The following RFWD3 variants were observed in gnomAD, a reference collection of about 807,000 sequenced individuals.
RFWD3 encodes ring finger and WD repeat domain 3.
In RFWD3, 65 loss-of-function variants were observed where a neutral mutation model predicts 87.7. The ratio of observed to expected loss-of-function variants is 0.74; its 90% CI spans 0.61 to 0.91. The LOEUF (loss-of-function observed/expected upper bound fraction) is 0.91, where lower values mean the gene tolerates loss of function less well. Ranked by LOEUF, RFWD3 falls within the 40% of genes least tolerant of loss-of-function variation. RFWD3 has a pLI of 0.00. For synonymous variants in RFWD3, 433 were observed against 352.8 expected (o/e 1.23, Z -2.55); for missense variants, 1,078 against 938.5 (o/e 1.15, Z -1.94).
intron 11 of RFWD3, among the ~76,000 whole-genome samples, 154 bp from the exon 12 acceptor site, chr16:74,626,708 T>C (rs1958946781): frequency 6.6e-6 from 1 of 152,122 alleles, no homozygotes; most frequent in Non-Finnish European, 1.5e-5. Context: ...GAAAGAACAA[T>C]ATCACAGCAT....
rs1958798526 is a variant in RFWD3, at chr16:74,622,451, AT to A, written c.*1476del. 1 of 131,366 alleles carries A rather than the reference AT, an allele frequency of 7.6e-6. No individual in the cohort carries two copies. The highest frequency in any genetic ancestry group is 1.6e-5 in the Non-Finnish European group (1 of 62,934). The allele number at this position is 131,366 out of a possible 1,614,324, so 8.1% of individuals were successfully genotyped here. ...ACCAGCCTGGACAACGTAGTGAAACATCTATTTCTACAAAAAAATTTAAAAA... is the reference window on the plus strand; with the variant it reads ...ACCAGCCTGGACAACGTAGTGAAACACTATTTCTACAAAAAAATTTAAAAA... On this transcript the variant is annotated 3_prime_UTR_variant, in exon 13 of 13. Coordinates refer to ENST00000361070, the MANE Select transcript of RFWD3 (RefSeq NM_018124.4).
At chr16:74,660,767 C>T in intron 2 of RFWD3, 165 bp downstream of exon 2, 1 of 693,832 alleles carries the variant, frequency 1.4e-6, no homozygotes, top group Non-Finnish European at 2.4e-6. Flanking sequence ...CCCTTCATTA[C>T]TTTGTGAAGT....
At chr16:74,633,489 G>A (rs1959166437) in intron 8 of RFWD3, among the ~76,000 whole-genome samples, 1 of 152,040 alleles carries the variant, frequency 6.6e-6, no homozygotes, top group East Asian at 1.9e-4. Flanking sequence ...TATGCAGCGA[G>A]AAAGAAGTCA....
intron 9 of RFWD3, 39 bp downstream of exon 9, chr16:74,632,484 A>G (rs201478620): frequency 4.7e-5 from 75 of 1,608,888 alleles, no homozygotes; most frequent in Admixed American, 1.8e-4. Context: ...ACTCAACACC[A>G]AAGAGCCCAG....
chr16:74,642,077 G>C (rs1959705453), intron 6 of RFWD3, among the ~76,000 whole-genome samples: 2 of 151,528 alleles, frequency 1.3e-5, no homozygotes. Flanking sequence ...ATTCATGAAA[G>C]TAGTTCTCTA....
At chr16:74,651,707 T>G (rs916417182) in intron 3 of RFWD3, among the ~76,000 whole-genome samples, 2 of 152,208 alleles carry the variant, frequency 1.3e-5, no homozygotes, top group African/African-American at 4.8e-5. Context: ...AGTGACTAAC[T>G]CACTGGGTCA....
Position 74,634,397 on chromosome 16 carries a change from TA to T in RFWD3, c.1427-1725del, listed in dbSNP as rs1295050571. Among the ~76,000 whole-genome samples, 186 of 151,892 alleles carry T rather than the reference TA, an allele frequency of 1.2e-3. 1 individual carries two copies. Among genetic ancestry groups the T allele is most frequent in the African/African-American group, 4.4e-3 (181 of 41,454 alleles). ...AGTACTTTATATATATATATATATA[TA>T]TTTTGAGACAAGGCCTCACTCTGTC... On this transcript the variant is annotated intron_variant, in intron 8 of 12. Coordinates refer to ENST00000361070, the MANE Select transcript of RFWD3 (RefSeq NM_018124.4).
intron 4 of RFWD3, among the ~76,000 whole-genome samples, chr16:74,647,922 A>G (rs1159421367): frequency 6.6e-6 from 1 of 151,884 alleles, no homozygotes; most frequent in Non-Finnish European, 1.5e-5. Flanking sequence ...ATTATCACCT[A>G]CTAACCATAT....
At chr16:74,631,463 A>ACACTCTCTCTCT (rs1555525199) in intron 9 of RFWD3, among the ~76,000 whole-genome samples, 5 of 150,160 alleles carry the variant, frequency 3.3e-5, no homozygotes, top group East Asian at 2.0e-4. Flanking sequence ...ACAGAGTGAG[A>ACACTCTCTCTCT]CTCTCTCTCT....
In RFWD3 at chr16:74,636,555, T is replaced by C. The variant is rs758670822; in HGVS notation, c.1217A>G (p.His406Arg). The part of the protein sequence containing the change: ...RVQDLQKLTS[H>R]QSQNLQQPRG... ...GGGTTGCTGTAAATTCTGACTTTGA[T>C]GTGACGTAAGTTTTTGCAAGTCCTA... The change falls in exon 8 of 13, where the codon CAT (histidine) becomes CGT (arginine). Residue 406 changes from histidine (H) to arginine (R), a missense_variant. Transcript: ENST00000361070. The C allele has an allele frequency of 5.0e-6, 8 of 1,613,752 alleles. No homozygotes were observed. Among genetic ancestry groups the C allele is most frequent in the Non-Finnish European group, 6.8e-6 (8 of 1,179,944 alleles).
intron 6 of RFWD3, among the ~76,000 whole-genome samples, chr16:74,642,398 T>G (rs111271608): frequency 0.039 from 5,940 of 152,252 alleles, 175 homozygotes; most frequent in Middle Eastern, 0.068. Context: ...TGCTAGGATT[T>G]CAGGTGTGAG....
intron 6 of RFWD3, among the ~76,000 whole-genome samples, chr16:74,640,288 G>C (rs979559145): frequency 1.3e-5 from 2 of 151,814 alleles, no homozygotes; most frequent in African/African-American, 2.4e-5. Flanking sequence ...TGGGATTACA[G>C]GTGTGTGCCA....
In RFWD3 at chr16:74,651,606, C is replaced by T. The variant is rs561673476; in HGVS notation, c.721+314G>A. ...CTGCACTCCAGTTGTCACTGGGGGACAGAGCCAGACCTTGCCTCAAAAAAG... is the reference window on the plus strand; with the variant it reads ...CTGCACTCCAGTTGTCACTGGGGGATAGAGCCAGACCTTGCCTCAAAAAAG... On this transcript the variant is annotated intron_variant, in intron 3 of 12. Transcript: ENST00000361070. 7.9e-5 allele frequency among the ~76,000 whole-genome samples: 12 copies of T among 152,092 alleles called. No homozygotes were observed. The South Asian group carries it at 2.3e-3, about 29-fold the overall frequency.
chr16:74,640,387 G>A (rs943544376), intron 6 of RFWD3, among the ~76,000 whole-genome samples: 3 of 151,944 alleles, frequency 2.0e-5, no homozygotes, highest in East Asian at 2.0e-4. Context: ...CTTGTGATCC[G>A]CCCACCTCAG....
At chr16:74,641,368 G>A (rs921787811) in intron 6 of RFWD3, among the ~76,000 whole-genome samples, 2 of 151,924 alleles carry the variant, frequency 1.3e-5, no homozygotes, top group Non-Finnish European at 2.9e-5. Flanking sequence ...TCACCATGTT[G>A]GCCAGGCTGG....
chr16:74,634,819 G>C (rs934681060), intron 8 of RFWD3, among the ~76,000 whole-genome samples: 1 of 151,976 alleles, frequency 6.6e-6, no homozygotes, highest in Non-Finnish European at 1.5e-5. Context: ...AAAAAAAAGG[G>C]GGGAAGGGGG....
Position 74,648,517 on chromosome 16 carries a change from A to T in RFWD3, c.792+615T>A, listed in dbSNP as rs183847692. Reference sequence around the variant, plus strand: ...GCCAGGAACGGTGGCTCACACCTATAATCCCAGCACTTTGGGAGGCCGAGG... The same window carrying T: ...GCCAGGAACGGTGGCTCACACCTATTATCCCAGCACTTTGGGAGGCCGAGG... On this transcript the variant is annotated intron_variant, in intron 4 of 12. Coordinates refer to ENST00000361070, the MANE Select transcript of RFWD3 (RefSeq NM_018124.4). Among the ~76,000 whole-genome samples, 13 of 150,546 alleles carry T rather than the reference A, an allele frequency of 8.6e-5. No individual in the cohort carries two copies. The East Asian group carries it at 2.5e-3, about 29-fold the overall frequency.
intron 3 of RFWD3, 22 bp downstream of exon 3, chr16:74,651,898 C>G (rs760486131): frequency 1.9e-6 from 3 of 1,611,354 alleles, no homozygotes; most frequent in Non-Finnish European, 1.7e-6. Flanking sequence ...CTTGTGAGTC[C>G]AAACCTGGGT....
chr16:74,648,991 A>C, intron 4 of RFWD3, 141 bp downstream of exon 4: 23 of 428,576 alleles, frequency 5.4e-5, no homozygotes, highest in East Asian at 1.7e-4. Flanking sequence ...CTGAAGTGGG[A>C]GGATCCTTTG....
Sources: gnomAD v4.1 joint callset for allele counts (sites outside exome capture counted in the v4.1 genomes callset) on GRCh38, gnomAD v4.1.1 for gene constraint, MANE v1.5 for transcripts, NCBI Gene and HGNC (gene_info 2026-07-23, HGNC 2026-07-21) for gene names.